Variants in TLL1 observed in about 807,000 individuals in gnomAD.
The protein encoded by TLL1 is tolloid like 1, also known as tolloid-like protein 1.
A neutral mutation model predicts 128.2 loss-of-function variants in TLL1; 49 were observed. That is an observed-to-expected ratio of 0.38 (90% CI 0.30 to 0.48). TLL1 has a LOEUF of 0.48. Among genes scored for constraint, TLL1 ranks in the 20% least tolerant of loss-of-function variants. The probability of loss-of-function intolerance (pLI) is 0.96; values close to 1 mark genes in which losing one functional copy is unlikely to be tolerated. For synonymous variants in TLL1, 454 were observed against 418.8 expected (o/e 1.08, Z -1.03); for missense variants, 1,123 against 1,242.0 (o/e 0.90, Z 1.44).
At chr4:165,891,884 A>G (rs372304743) in intron 1 of TLL1, among the ~76,000 whole-genome samples, 14 of 152,324 alleles carry the variant, frequency 9.2e-5, no homozygotes, top group African/African-American at 3.1e-4. Flanking sequence ...GTATCTTTAC[A>G]GCAGTAACTC....
At chr4:166,010,193 A>G (rs1737625419) in intron 7 of TLL1, among the ~76,000 whole-genome samples, 2 of 151,482 alleles carry the variant, frequency 1.3e-5, no homozygotes, top group African/African-American at 4.8e-5. Context: ...TTGTAAGTAT[A>G]TATCACATTT....
intron 1 of TLL1, among the ~76,000 whole-genome samples, chr4:165,941,502 C>A (rs1270157290): frequency 6.6e-6 from 1 of 152,082 alleles, no homozygotes; most frequent in Non-Finnish European, 1.5e-5. Context: ...AGAGAGAGGA[C>A]AAGCTTGCTG....
At chr4:166,044,734 C>CA (rs201110536) in intron 12 of TLL1, among the ~76,000 whole-genome samples, 26 of 151,306 alleles carry the variant, frequency 1.7e-4, no homozygotes, top group African/African-American at 2.7e-4. Context: ...ATGATTTAGA[C>CA]AAAAAAAAGG....
intron 1 of TLL1, among the ~76,000 whole-genome samples, chr4:165,922,355 G>A (rs1490688774): frequency 6.6e-6 from 1 of 152,162 alleles, no homozygotes; most frequent in African/African-American, 2.4e-5. Context: ...GGTTTAGAAA[G>A]CTCAATATTT....
chr4:165,889,565 TA>T (rs1452826760), intron 1 of TLL1, among the ~76,000 whole-genome samples: 1 of 152,246 alleles, frequency 6.6e-6, no homozygotes, highest in Non-Finnish European at 1.5e-5. Context: ...CGTAAAGTGG[TA>T]TCACAAGTTA....
chr4:165,964,041 A>G (rs755092585), intron 1 of TLL1, among the ~76,000 whole-genome samples: 2 of 152,188 alleles, frequency 1.3e-5, no homozygotes, highest in Non-Finnish European at 2.9e-5. Context: ...TACATTTGGC[A>G]GAGTCTCATT....
chr4:165,969,200 A>T (rs1417036949), intron 1 of TLL1, among the ~76,000 whole-genome samples: 3 of 152,090 alleles, frequency 2.0e-5, no homozygotes, highest in African/African-American at 7.2e-5. Flanking sequence ...ATTAAATTGT[A>T]TTCTATTCCA....
intron 1 of TLL1, among the ~76,000 whole-genome samples, chr4:165,955,054 G>A (rs1734715842): frequency 6.6e-6 from 1 of 152,060 alleles, no homozygotes; most frequent in African/African-American, 2.4e-5. Flanking sequence ...GGAGTTGAAA[G>A]ACAGCGTAGC....
intron 8 of TLL1, among the ~76,000 whole-genome samples, chr4:166,017,419 G>A (rs898781666): frequency 1.7e-4 from 26 of 152,104 alleles, no homozygotes; most frequent in African/African-American, 5.1e-4. Flanking sequence ...GTGTCTTTTC[G>A]GTGGTACGAT....
At position 165,881,920 on chromosome 4, in the gene TLL1, C is replaced by T. The variant is rs548972588; in HGVS notation, c.169+7847C>T. Among the ~76,000 whole-genome samples the T allele has an allele frequency of 2.0e-5, 3 of 152,258 alleles. No individual in the cohort carries two copies. In the South Asian group the frequency reaches 6.2e-4, roughly 32 times the overall value. On this transcript the variant is annotated intron_variant, in intron 1 of 20. Coordinates refer to ENST00000061240, the MANE Select transcript of TLL1 (RefSeq NM_012464.5). ...TTTTGTATGGTAACATGTTGTTTCACACTTTAAATTTACTCGGAGTATTCA... is the reference window on the plus strand; with the variant it reads ...TTTTGTATGGTAACATGTTGTTTCATACTTTAAATTTACTCGGAGTATTCA...
Position 166,097,601 on chromosome 4 carries a change from T to C in TLL1, c.2657-1676T>C, listed in dbSNP as rs536001965. 6.6e-5 allele frequency among the ~76,000 whole-genome samples: 10 copies of C among 152,262 alleles called. No individual in the cohort carries two copies. In the South Asian group the frequency reaches 1.2e-3, roughly 19 times the overall value. ...TTGGGCACACATGAATTCAGACATA[T>C]GTGAAAGGGGTTCCATACCCGTAAT... On this transcript the variant is annotated intron_variant, in intron 19 of 20. Transcript: ENST00000061240.
At chr4:165,888,849 T>C (rs573798166) in intron 1 of TLL1, among the ~76,000 whole-genome samples, 21 of 152,324 alleles carry the variant, frequency 1.4e-4, no homozygotes, top group Admixed American at 3.9e-4. Context: ...GGGATTATTG[T>C]ATTACACTTT....
At chr4:165,970,432 G>C (rs1045525016) in intron 1 of TLL1, among the ~76,000 whole-genome samples, 3 of 152,084 alleles carry the variant, frequency 2.0e-5, no homozygotes, top group Non-Finnish European at 4.4e-5. Flanking sequence ...AATTGTTTGA[G>C]ACATTTAAAC....
chr4:165,942,516 G>A (rs536900246), intron 1 of TLL1, among the ~76,000 whole-genome samples: 1 of 151,870 alleles, frequency 6.6e-6, no homozygotes, highest in South Asian at 2.1e-4. Context: ...TGTATCACCA[G>A]AACGTAATCT....
intron 12 of TLL1, chr4:166,044,352 T>A: frequency 6.5e-7 from 1 of 1,535,464 alleles, no homozygotes; most frequent in South Asian, 1.2e-5. Context: ...TGGTTGTGTG[T>A]CTGTACCTGC....
intron 1 of TLL1, among the ~76,000 whole-genome samples, chr4:165,954,686 T>G (rs975708115): frequency 6.6e-6 from 1 of 151,940 alleles, no homozygotes; most frequent in Non-Finnish European, 1.5e-5. Flanking sequence ...GAAATAAATA[T>G]CCCATAGAGA....
intron 18 of TLL1, among the ~76,000 whole-genome samples, chr4:166,082,822 C>T (rs567644012): frequency 3.3e-5 from 5 of 151,856 alleles, no homozygotes; most frequent in South Asian, 2.1e-4. Context: ...GAATTACAGG[C>T]GCCTGCCACC....
chr4:165,884,001 C>T (rs1284955661), intron 1 of TLL1, among the ~76,000 whole-genome samples: 2 of 152,150 alleles, frequency 1.3e-5, no homozygotes, highest in Admixed American at 1.3e-4. Context: ...CCATCTGGAT[C>T]AATTTAAAGA....
intron 1 of TLL1, among the ~76,000 whole-genome samples, chr4:165,915,337 A>G (rs990564550): frequency 6.6e-6 from 1 of 152,232 alleles, no homozygotes; most frequent in Admixed American, 6.5e-5. Flanking sequence ...AAAAAGATCT[A>G]TATAAATACT....
Sources: gnomAD v4.1 joint callset for allele counts (sites outside exome capture counted in the v4.1 genomes callset) on GRCh38, gnomAD v4.1.1 for gene constraint, MANE v1.5 for transcripts, NCBI Gene and HGNC (gene_info 2026-07-23, HGNC 2026-07-21) for gene names.